MYO1E: variants seen among roughly 807,000 people sequenced by gnomAD.
MYO1E encodes the protein myosin IE.
Under a neutral mutation model 151.1 loss-of-function variants are expected in MYO1E, and 68 were observed. That is an observed-to-expected ratio of 0.45 (90% CI 0.37 to 0.55). MYO1E has a LOEUF of 0.55. Ranked by LOEUF, MYO1E falls within the 20% of genes least tolerant of loss-of-function variation. The pLI is 0.00. For missense variants in MYO1E, 1,363 were observed against 1,389.3 expected (o/e 0.98, Z 0.30); for synonymous variants, 601 against 501.7 (o/e 1.20, Z -2.64).
intron 1 of MYO1E, among the ~76,000 whole-genome samples, chr15:59,337,087 G>A (rs2080733640): frequency 6.6e-6 from 1 of 151,512 alleles, no homozygotes; most frequent in South Asian, 2.1e-4. Flanking sequence ...TACAGTTATT[G>A]AATTGTTTAT....
intron 14 of MYO1E, chr15:59,207,526 G>A: frequency 6.2e-7 from 1 of 1,614,004 alleles, no homozygotes; most frequent in South Asian, 1.1e-5. Flanking sequence ...AACTTATGTA[G>A]CTTGGAAGTT....
At chr15:59,216,683 T>TACAC (rs1555411952) in intron 10 of MYO1E, among the ~76,000 whole-genome samples, 5 of 27,496 alleles carry the variant, frequency 1.8e-4, no homozygotes, top group African/African-American at 5.2e-4. Flanking sequence ...TATATATATA[T>TACAC]ATACACATAC....
At chr15:59,268,079 G>A (rs529592091) in intron 2 of MYO1E, among the ~76,000 whole-genome samples, 3 of 152,204 alleles carry the variant, frequency 2.0e-5, no homozygotes, top group African/African-American at 7.2e-5. Context: ...GTGAAATCAA[G>A]TCTCTTCTCG....
chr15:59,166,772 C>T (rs937572806), intron 22 of MYO1E, among the ~76,000 whole-genome samples: 5 of 152,140 alleles, frequency 3.3e-5, no homozygotes, highest in Non-Finnish European at 7.3e-5. Context: ...CTGAGAAAGC[C>T]CGGACGCAGA....
At chr15:59,227,283 A>C (rs1566985410) in intron 7 of MYO1E, among the ~76,000 whole-genome samples, 176 bp downstream of exon 7, 1 of 152,250 alleles carries the variant, frequency 6.6e-6, no homozygotes, top group Admixed American at 6.5e-5. Context: ...CACTCCAATT[A>C]GAACTCACTC....
At chr15:59,212,128 T>C (rs2079882859) in intron 12 of MYO1E, among the ~76,000 whole-genome samples, 1 of 152,064 alleles carries the variant, frequency 6.6e-6, no homozygotes, top group Admixed American at 6.5e-5. Context: ...TCACTGGCTA[T>C]TGCACTCTTA....
intron 1 of MYO1E, among the ~76,000 whole-genome samples, chr15:59,277,173 A>C (rs1474657871): frequency 1.3e-5 from 2 of 152,226 alleles, no homozygotes; most frequent in African/African-American, 4.8e-5. Flanking sequence ...ACTGCACAGT[A>C]TTTTTAGGTA....
intron 6 of MYO1E, among the ~76,000 whole-genome samples, chr15:59,229,807 T>C (rs2080015380): frequency 6.6e-6 from 1 of 152,194 alleles, no homozygotes; most frequent in East Asian, 1.9e-4. Flanking sequence ...TGCTAAATAA[T>C]TACTGTCATA....
At chr15:59,370,526 C>G (rs370436916) in intron 1 of MYO1E, among the ~76,000 whole-genome samples, 1 of 152,168 alleles carries the variant, frequency 6.6e-6, no homozygotes, top group Non-Finnish European at 1.5e-5. Flanking sequence ...AGATAGTCGC[C>G]TGGGGGCACA....
intron 1 of MYO1E, among the ~76,000 whole-genome samples, chr15:59,288,960 G>C (rs2080403798): frequency 6.6e-6 from 1 of 152,224 alleles, no homozygotes; most frequent in South Asian, 2.1e-4. Context: ...AAACAACAAA[G>C]TGGCAGGGAT....
At chr15:59,319,550 CTTTTT>C (rs59491381) in intron 1 of MYO1E, among the ~76,000 whole-genome samples, 30 of 63,722 alleles carry the variant, frequency 4.7e-4, no homozygotes, top group East Asian at 1.5e-3. Flanking sequence ...GTCAAACTAC[CTTTTT>C]TTTTTTTTTT....
intron 1 of MYO1E, among the ~76,000 whole-genome samples, chr15:59,345,049 G>GA (rs144641690): frequency 6.6e-6 from 1 of 151,994 alleles, no homozygotes; most frequent in Non-Finnish European, 1.5e-5. Flanking sequence ...TTTTTATGAA[G>GA]AAAAAACATC....
At chr15:59,225,255 T>C (rs4775136) in intron 7 of MYO1E, among the ~76,000 whole-genome samples, 114,675 of 152,140 alleles carry the variant, frequency 0.75, 44,336 homozygotes, top group East Asian at 0.95. Context: ...ACTGTGAACT[T>C]CTCCAAGCTG....
chr15:59,240,054 C>G (rs1455414875), intron 4 of MYO1E, among the ~76,000 whole-genome samples: 1 of 152,194 alleles, frequency 6.6e-6, no homozygotes. Context: ...TTTACGCTTC[C>G]AGGCAGCCCG....
chr15:59,139,449 C>T (rs2079395501), intron 26 of MYO1E, among the ~76,000 whole-genome samples: 1 of 148,878 alleles, frequency 6.7e-6, no homozygotes, highest in African/African-American at 2.5e-5. Flanking sequence ...CATTATTACT[C>T]CTCACTTTCC....
At chr15:59,144,362 T>A (rs907292419) in intron 26 of MYO1E, among the ~76,000 whole-genome samples, 52 of 152,174 alleles carry the variant, frequency 3.4e-4, no homozygotes, top group African/African-American at 1.2e-3. Flanking sequence ...ACACGGGGTT[T>A]CACTATGTTG....
chr15:59,196,042 A>C (rs1470152435), intron 16 of MYO1E, among the ~76,000 whole-genome samples: 1 of 152,196 alleles, frequency 6.6e-6, no homozygotes, highest in Non-Finnish European at 1.5e-5. Flanking sequence ...CAATCCAACT[A>C]ATGAAGAATC....
In MYO1E at chr15:59,137,412, G is replaced by A. The variant is rs764504014; in HGVS notation, c.3295C>T (p.Leu1099=). Reference sequence around the variant, plus strand: ...TTGGTCACATAGTTGTTGGGGAACAGGCCCTGCTTGCCTCGTAGTCGACCC... The same window carrying A: ...TTGGTCACATAGTTGTTGGGGAACAAGCCCTGCTTGCCTCGTAGTCGACCC... ...WTGRLRGKQG[L]FPNNYVTKI is the part of the protein sequence containing the mutation. The change falls in exon 28 of 28, where the codon CTG becomes TTG. Residue 1099 remains leucine, a synonymous_variant. Coordinates refer to ENST00000288235, the MANE Select transcript of MYO1E (RefSeq NM_004998.4). 2.5e-6 allele frequency: 4 copies of A among 1,614,194 alleles called. No individual in the cohort carries two copies. Among genetic ancestry groups the A allele is most frequent in the Non-Finnish European group, 3.4e-6 (4 of 1,180,038 alleles).
chr15:59,295,405 C>T (rs974085371), intron 1 of MYO1E, among the ~76,000 whole-genome samples: 4 of 152,176 alleles, frequency 2.6e-5, no homozygotes, highest in African/African-American at 7.2e-5. Context: ...GTTGAGGAAA[C>T]GGTAGCCTCG....
Sources: gnomAD v4.1 joint callset for allele counts (sites outside exome capture counted in the v4.1 genomes callset) on GRCh38, gnomAD v4.1.1 for gene constraint, MANE v1.5 for transcripts, NCBI Gene and HGNC (gene_info 2026-07-23, HGNC 2026-07-21) for gene names.